ANKS1B: variants seen among roughly 807,000 people sequenced by gnomAD.
ANKS1B encodes the protein ankyrin repeat and sterile alpha motif domain-containing protein 1B.
ANKS1B carries 36 observed loss-of-function variants against 148.3 expected under a neutral mutation model. The ratio of observed to expected loss-of-function variants is 0.24; its 90% CI spans 0.19 to 0.32. The LOEUF is 0.32. Ranked by LOEUF, ANKS1B falls within the 10% of genes least tolerant of loss-of-function variation. The probability of loss-of-function intolerance (pLI) is 1.00; values close to 1 mark genes in which losing one functional copy is unlikely to be tolerated. For synonymous variants in ANKS1B, 542 were observed against 560.8 expected (o/e 0.97, Z 0.47); for missense variants, 1,157 against 1,542.6 (o/e 0.75, Z 4.19).
At chr12:98,995,236 T>C (rs1162894219) in intron 17 of ANKS1B, among the ~76,000 whole-genome samples, 1 of 152,184 alleles carries the variant, frequency 6.6e-6, no homozygotes, top group Non-Finnish European at 1.5e-5. Context: ...ATATGCCCTG[T>C]ATTAACATAT....
intron 11 of ANKS1B, among the ~76,000 whole-genome samples, chr12:99,401,850 C>A (rs2094413136): frequency 6.8e-6 from 1 of 146,738 alleles, no homozygotes; most frequent in East Asian, 1.9e-4. Flanking sequence ...CAAGGGTCAG[C>A]AAACTATGGC....
At chr12:98,800,475 C>T (rs1309200219) in intron 21 of ANKS1B, among the ~76,000 whole-genome samples, 1 of 151,972 alleles carries the variant, frequency 6.6e-6, no homozygotes, top group Non-Finnish European at 1.5e-5. Context: ...TTTACCAGTT[C>T]CTATTACATT....
At chr12:99,958,613 G>A in intron 1 of ANKS1B, among the ~76,000 whole-genome samples, 1 of 152,160 alleles carries the variant, frequency 6.6e-6, no homozygotes, top group Non-Finnish European at 1.5e-5. Context: ...TCTAACTCCT[G>A]AGCTCAAACA....
chr12:99,303,536 T>TA (rs1036684361), intron 12 of ANKS1B, among the ~76,000 whole-genome samples: 3 of 151,872 alleles, frequency 2.0e-5, no homozygotes, highest in East Asian at 1.9e-4. Context: ...TAGACAAATT[T>TA]AAAAAAAATC....
chr12:99,942,601 T>A (rs1207242291), intron 1 of ANKS1B, among the ~76,000 whole-genome samples: 1 of 152,006 alleles, frequency 6.6e-6, no homozygotes, highest in East Asian at 1.9e-4. Flanking sequence ...AAAGCAACAT[T>A]TTTTTTAGAA....
chr12:99,858,379 T>A (rs888713678), intron 1 of ANKS1B, among the ~76,000 whole-genome samples: 1 of 151,958 alleles, frequency 6.6e-6, no homozygotes. Flanking sequence ...AAATAATAGA[T>A]GGTGGTGTGG....
intron 10 of ANKS1B, among the ~76,000 whole-genome samples, chr12:99,496,213 T>C (rs1382492863): frequency 6.6e-6 from 1 of 152,186 alleles, no homozygotes; most frequent in Non-Finnish European, 1.5e-5. Context: ...AAAATAACGG[T>C]TGCCTAGTTA....
chr12:99,085,165 G>A, intron 15 of ANKS1B, 142 bp from the exon 16 acceptor site: 1 of 693,934 alleles, frequency 1.4e-6, no homozygotes. Flanking sequence ...CCGTGAGGGT[G>A]AGGGCAGAGT....
At chr12:99,041,155 C>T (rs192610854) in intron 17 of ANKS1B, among the ~76,000 whole-genome samples, 6 of 152,132 alleles carry the variant, frequency 3.9e-5, no homozygotes, top group South Asian at 2.1e-4. Context: ...TGACAATTAA[C>T]GAAGGGGAAG....
intron 15 of ANKS1B, among the ~76,000 whole-genome samples, chr12:99,101,987 G>T (rs1185527330): frequency 6.6e-6 from 1 of 152,130 alleles, no homozygotes; most frequent in Non-Finnish European, 1.5e-5. Context: ...GTAGATTTGG[G>T]GATGATCAGG....
chr12:99,881,340 C>A (rs2092467878), intron 1 of ANKS1B, among the ~76,000 whole-genome samples: 1 of 152,178 alleles, frequency 6.6e-6, no homozygotes, highest in Non-Finnish European at 1.5e-5. Context: ...GCAGCAGCAA[C>A]AATGGCAAGC....
chr12:98,792,344 A>C (rs774177719), intron 22 of ANKS1B, among the ~76,000 whole-genome samples: 2 of 152,178 alleles, frequency 1.3e-5, no homozygotes, highest in Admixed American at 6.5e-5. Flanking sequence ...AACTGTACAT[A>C]TTCATGGGGC....
At chr12:99,776,757 G>A (rs2063691628) in intron 6 of ANKS1B, among the ~76,000 whole-genome samples, 1 of 152,082 alleles carries the variant, frequency 6.6e-6, no homozygotes, top group Non-Finnish European at 1.5e-5. Flanking sequence ...TTGACTCACT[G>A]CAACCTCCGC....
At chr12:98,776,596 T>C (rs2098678208) in intron 24 of ANKS1B, among the ~76,000 whole-genome samples, 1 of 152,212 alleles carries the variant, frequency 6.6e-6, no homozygotes, top group Non-Finnish European at 1.5e-5. Flanking sequence ...CGGGTCCAGC[T>C]AACTCATATG....
Position 99,409,939 on chromosome 12 carries a change from C to T in ANKS1B, c.1576-10128G>A, listed in dbSNP as rs1295489714. Among the ~76,000 whole-genome samples, 6 of 152,308 alleles carry T rather than the reference C, an allele frequency of 3.9e-5. No homozygotes were observed. The East Asian group carries it at 9.6e-4, about 24-fold the overall frequency. On this transcript the variant is annotated intron_variant, in intron 11 of 26. Coordinates refer to ENST00000683438, the MANE Select transcript of ANKS1B (RefSeq NM_001352186.2). ...TGAATTGCACTTGTGTTCGTTGTGGCTTCTCCACTTTAAAACATATCCCTC... is the reference window on the plus strand; with the variant it reads ...TGAATTGCACTTGTGTTCGTTGTGGTTTCTCCACTTTAAAACATATCCCTC...
At chr12:99,964,559 C>T (rs377451681) in intron 1 of ANKS1B, among the ~76,000 whole-genome samples, 5 of 152,168 alleles carry the variant, frequency 3.3e-5, no homozygotes, top group Admixed American at 2.6e-4. Flanking sequence ...TGTGGCGTAC[C>T]ATAGCCTAAG....
At chr12:98,863,270 G>A (rs1567277703) in intron 17 of ANKS1B, among the ~76,000 whole-genome samples, 1 of 152,190 alleles carries the variant, frequency 6.6e-6, no homozygotes, top group Non-Finnish European at 1.5e-5. Flanking sequence ...CGTCACCTGA[G>A]AAGAACAAAA....
chr12:99,275,297 T>C (rs915211031), intron 12 of ANKS1B, among the ~76,000 whole-genome samples: 6 of 152,202 alleles, frequency 3.9e-5, no homozygotes, highest in Non-Finnish European at 8.8e-5. Context: ...ATTCTATTCA[T>C]TGCATCTAAC....
chr12:99,295,733 AT>A (rs1057043341), intron 12 of ANKS1B, among the ~76,000 whole-genome samples: 18 of 152,120 alleles, frequency 1.2e-4, no homozygotes, highest in African/African-American at 4.3e-4. Context: ...CACATTAGTT[AT>A]TTTTCCTGAT....
Sources: gnomAD v4.1 joint callset for allele counts (sites outside exome capture counted in the v4.1 genomes callset) on GRCh38, gnomAD v4.1.1 for gene constraint, MANE v1.5 for transcripts, NCBI Gene and HGNC (gene_info 2026-07-23, HGNC 2026-07-21) for gene names.